The following ABRACL variants were observed in gnomAD, a reference collection of about 807,000 sequenced individuals.
ABRACL encodes costars family protein ABRACL.
Under a neutral mutation model 7.0 loss-of-function variants are expected in ABRACL, and 4 were observed. The observed-to-expected ratio is 0.57, with a 90% CI of 0.28 to 1.30. ABRACL has a LOEUF of 1.30. Ranked by LOEUF, ABRACL falls within the 50% of genes most tolerant of loss-of-function variation. The pLI is 0.10. For synonymous variants in ABRACL, 30 were observed against 36.0 expected (o/e 0.83, Z 0.60); for missense variants, 104 against 97.3 (o/e 1.07, Z -0.29).
chr6:139,034,352 C>T (rs948726231), intron 2 of ABRACL, 131 bp downstream of exon 2: 1 of 1,576,178 alleles, frequency 6.3e-7, no homozygotes, highest in Non-Finnish European at 8.6e-7. Context: ...CTGCCCACAG[C>T]CCCAGGTTAT....
chr6:139,033,723 A>G (rs534606436), intron 1 of ABRACL, among the ~76,000 whole-genome samples: 77 of 152,258 alleles, frequency 5.1e-4, no homozygotes, highest in Non-Finnish European at 7.1e-4. Context: ...CTCAAAGAGT[A>G]TTCGTCTCAT....
chr6:139,036,391 T>G (rs1184448856), intron 2 of ABRACL, among the ~76,000 whole-genome samples: 1 of 152,166 alleles, frequency 6.6e-6, no homozygotes, highest in African/African-American at 2.4e-5. Context: ...TAGGGATTGG[T>G]ACATGGATAT....
intron 2 of ABRACL, among the ~76,000 whole-genome samples, chr6:139,034,968 A>G (rs1786132407): frequency 6.6e-6 from 1 of 152,230 alleles, no homozygotes; most frequent in Non-Finnish European, 1.5e-5. Context: ...AATAATAAGA[A>G]TAATAGACAT....
rs370545746 is a variant in ABRACL at position 139,034,116 on chromosome 6, T to G, written c.-6-39T>G. On this transcript the variant is annotated intron_variant, in intron 1 of 2. Transcript: ENST00000367660. ...GGATTTGGATGTGCTTAATGGAATG[T>G]AATGGTGATAATTTAGACTTCCTTT... 24 of 1,613,136 alleles carry G rather than the reference T, an allele frequency of 1.5e-5. No individual in the cohort carries two copies. In the Middle Eastern group the frequency reaches 6.6e-4, roughly 44 times the overall value.
chr6:139,029,377 G>C (rs1786043313), intron 1 of ABRACL, among the ~76,000 whole-genome samples: 1 of 152,046 alleles, frequency 6.6e-6, no homozygotes, highest in African/African-American at 2.4e-5. Flanking sequence ...CCAGGGGCTC[G>C]TGGAGCCCGG....
chr6:139,041,884 A>G (rs572205516), intron 2 of ABRACL, among the ~76,000 whole-genome samples: 156 of 152,256 alleles, frequency 1.0e-3, no homozygotes, highest in African/African-American at 3.7e-3. Context: ...CCAAGCATCC[A>G]GTGGGAAGTT....
intron 2 of ABRACL, among the ~76,000 whole-genome samples, chr6:139,035,865 G>T (rs1031601563): frequency 4.0e-5 from 6 of 149,596 alleles, no homozygotes; most frequent in African/African-American, 1.5e-4. Flanking sequence ...ACTTTGGGAG[G>T]CTGAGGCGGT....
intron 1 of ABRACL, among the ~76,000 whole-genome samples, chr6:139,030,342 A>G (rs7746774): frequency 0.2 from 30,690 of 152,026 alleles, 3,736 homozygotes; most frequent in African/African-American, 0.34. Flanking sequence ...AATGTGAACT[A>G]TAGTCACCCC....
chr6:139,029,397 C>T (rs1224442703), intron 1 of ABRACL, among the ~76,000 whole-genome samples: 3 of 151,988 alleles, frequency 2.0e-5, no homozygotes, highest in African/African-American at 7.2e-5. Context: ...GGGCAGGGTC[C>T]GTTTTCGTCG....
intron 1 of ABRACL, among the ~76,000 whole-genome samples, chr6:139,030,879 T>C (rs1353313992): frequency 6.6e-6 from 1 of 152,182 alleles, no homozygotes; most frequent in Non-Finnish European, 1.5e-5. Flanking sequence ...CTACATGAAT[T>C]AACGTAGATA....
chr6:139,041,451 C>CTA lies in ABRACL; in HGVS notation c.62-1250_62-1249dup, dbSNP rs1554211122. ...TCTCTCTCTCTCTCTCTCTCTCTCT[C>CTA]TATATATATATATATATATTTCTAT... On this transcript the variant is annotated intron_variant, in intron 2 of 2. Transcript: ENST00000367660. 2.8e-3 allele frequency among the ~76,000 whole-genome samples: 307 copies of CTA among 109,986 alleles called. 1 individual carries two copies. The highest frequency in any genetic ancestry group is 7.8e-3 in the African/African-American group (221 of 28,168). The allele number at this position is 109,986 out of a possible 152,430, so 72.2% of individuals were successfully genotyped here.
At chr6:139,039,844 G>A (rs968444694) in intron 2 of ABRACL, among the ~76,000 whole-genome samples, 2 of 152,158 alleles carry the variant, frequency 1.3e-5, no homozygotes, top group African/African-American at 4.8e-5. Flanking sequence ...TGATGAGGTG[G>A]CTCACACCTG....
intron 1 of ABRACL, among the ~76,000 whole-genome samples, chr6:139,029,155 G>T (rs1786038840): frequency 6.6e-6 from 1 of 152,140 alleles, no homozygotes; most frequent in Non-Finnish European, 1.5e-5. Context: ...CGGCAGAAAT[G>T]GAACGATTTT....
At chr6:139,041,857 C>T (rs929856438) in intron 2 of ABRACL, among the ~76,000 whole-genome samples, 21 of 152,134 alleles carry the variant, frequency 1.4e-4, no homozygotes, top group Admixed American at 2.6e-4. Flanking sequence ...CAGTGCTGCG[C>T]TCACAGTAGG....
At chr6:139,035,007 C>T (rs550235817) in intron 2 of ABRACL, among the ~76,000 whole-genome samples, 6 of 152,200 alleles carry the variant, frequency 3.9e-5, no homozygotes, top group Middle Eastern at 3.4e-3. Flanking sequence ...TAATAGAACT[C>T]GAAGTTTTAA....
chr6:139,040,359 C>T (rs992440048), intron 2 of ABRACL, among the ~76,000 whole-genome samples: 2 of 152,188 alleles, frequency 1.3e-5, no homozygotes, highest in African/African-American at 4.8e-5. Context: ...AAGGTGGAAT[C>T]ACCCAAACAT....
At chr6:139,040,143 G>A (rs904187266) in intron 2 of ABRACL, among the ~76,000 whole-genome samples, 7 of 152,126 alleles carry the variant, frequency 4.6e-5, no homozygotes, top group Admixed American at 3.3e-4. Flanking sequence ...GTAACAATGA[G>A]CTTTGCATCT....
At chr6:139,040,308 G>C (rs1786225924) in intron 2 of ABRACL, among the ~76,000 whole-genome samples, 1 of 152,188 alleles carries the variant, frequency 6.6e-6, no homozygotes, top group Admixed American at 6.5e-5. Flanking sequence ...GGAATTAACT[G>C]TGATTGGAGA....
At chr6:139,034,662 C>A in intron 2 of ABRACL, 1 of 320,272 alleles carries the variant, frequency 3.1e-6, no homozygotes, top group African/African-American at 2.1e-5. Flanking sequence ...TAGGGATTTA[C>A]ATTGAAATTA....
Sources: gnomAD v4.1 joint callset for allele counts (sites outside exome capture counted in the v4.1 genomes callset) on GRCh38, gnomAD v4.1.1 for gene constraint, MANE v1.5 for transcripts, NCBI Gene and HGNC (gene_info 2026-07-23, HGNC 2026-07-21) for gene names.